Variants in TCF12 observed in about 807,000 individuals in gnomAD.
TCF12 encodes DNA-binding protein HTF4.
A neutral mutation model predicts 86.0 loss-of-function variants in TCF12; 45 were observed. The ratio of observed to expected loss-of-function variants is 0.52; its 90% CI spans 0.41 to 0.67. The LOEUF is 0.67. Ranked by LOEUF, TCF12 falls within the 30% of genes least tolerant of loss-of-function variation. The pLI is 0.00. For synonymous variants in TCF12, 330 were observed against 299.6 expected (o/e 1.10, Z -1.05); for missense variants, 881 against 859.9 (o/e 1.02, Z -0.31).
intron 14 of TCF12, among the ~76,000 whole-genome samples, chr15:57,251,722 G>A (rs979784445): frequency 2.0e-5 from 3 of 152,004 alleles, no homozygotes; most frequent in Non-Finnish European, 2.9e-5. Context: ...ACATATAAAG[G>A]GAAACTTTTT....
chr15:56,936,869 G>T (rs551980350), intron 3 of TCF12, among the ~76,000 whole-genome samples: 1 of 152,270 alleles, frequency 6.6e-6, no homozygotes, highest in Admixed American at 6.5e-5. Context: ...CTGTTATGGT[G>T]ACTATGGCCT....
intron 3 of TCF12, among the ~76,000 whole-genome samples, chr15:57,002,238 TA>T (rs1235844119): frequency 5.9e-5 from 9 of 152,124 alleles, no homozygotes; most frequent in African/African-American, 2.2e-4. Context: ...GTTGGGGGTA[TA>T]GTTACCTGTT....
intron 4 of TCF12, among the ~76,000 whole-genome samples, chr15:57,073,827 C>T (rs1332594314): frequency 6.6e-6 from 1 of 152,160 alleles, no homozygotes; most frequent in Non-Finnish European, 1.5e-5. Flanking sequence ...TGGCTCACTG[C>T]AAGCTCTGCC....
intron 6 of TCF12, among the ~76,000 whole-genome samples, chr15:57,169,382 T>G (rs1364875963): frequency 5.3e-5 from 8 of 152,146 alleles, no homozygotes; most frequent in African/African-American, 1.9e-4. Flanking sequence ...AGAAGGTCAG[T>G]AAATGTCAGT....
rs925042294 is a variant in TCF12 at position 57,054,801 on chromosome 15, T to C, written c.149-8949T>C. ...TTTTTTTTTTTTTTTTTTTTTTTTT[T>C]TGGTAGCGTCTCTAGGGATGTTAAC... On this transcript the variant is annotated intron_variant, in intron 3 of 20. Transcript: ENST00000333725. Among the ~76,000 whole-genome samples the C allele has an allele frequency of 7.3e-5, 10 of 137,446 alleles. No individual in the cohort carries two copies. The East Asian group carries it at 2.2e-3, about 31-fold the overall frequency. The allele number at this position is 137,446 out of a possible 152,430, so 90.2% of individuals were successfully genotyped here.
chr15:57,227,400 C>T (rs1345183303), intron 8 of TCF12, among the ~76,000 whole-genome samples: 1 of 152,070 alleles, frequency 6.6e-6, no homozygotes, highest in Non-Finnish European at 1.5e-5. Flanking sequence ...TATGACTAAA[C>T]TGAATCATCT....
At chr15:57,077,748 A>AG (rs1282291237) in intron 4 of TCF12, among the ~76,000 whole-genome samples, 15 of 151,090 alleles carry the variant, frequency 9.9e-5, no homozygotes, top group Non-Finnish European at 1.8e-4. Context: ...TAGTTTTTTA[A>AG]AAAAAAAAAA....
intron 5 of TCF12, among the ~76,000 whole-genome samples, chr15:57,111,863 G>A (rs908695000): frequency 2.6e-5 from 4 of 152,062 alleles, no homozygotes; most frequent in Non-Finnish European, 5.9e-5. Flanking sequence ...GGAGTGCTAG[G>A]ATTACAGGCA....
chr15:57,105,175 A>G (rs575773899), intron 5 of TCF12, among the ~76,000 whole-genome samples: 51 of 151,152 alleles, frequency 3.4e-4, no homozygotes, highest in African/African-American at 1.0e-3. Flanking sequence ...TGCCCGACCA[A>G]TCTTGCTGGT....
chr15:57,080,843 G>T (rs1430766899), intron 4 of TCF12, among the ~76,000 whole-genome samples: 1 of 152,072 alleles, frequency 6.6e-6, no homozygotes, highest in African/African-American at 2.4e-5. Flanking sequence ...TCAACTACTG[G>T]CTCTGACGCT....
chr15:57,263,457 T>C (rs1401294687), intron 18 of TCF12, among the ~76,000 whole-genome samples, 183 bp downstream of exon 18: 1 of 152,226 alleles, frequency 6.6e-6, no homozygotes, highest in Non-Finnish European at 1.5e-5. Flanking sequence ...TATGAAGGTT[T>C]GATTTCAAAA....
At chr15:57,155,461 A>G (rs2054049421) in intron 5 of TCF12, among the ~76,000 whole-genome samples, 1 of 152,176 alleles carries the variant, frequency 6.6e-6, no homozygotes, top group African/African-American at 2.4e-5. Flanking sequence ...ATGAAAATTG[A>G]ACATGTCATA....
intron 5 of TCF12, among the ~76,000 whole-genome samples, chr15:57,098,889 G>A (rs2733339): frequency 0.054 from 8,231 of 152,174 alleles, 494 homozygotes; most frequent in African/African-American, 0.15. Flanking sequence ...CAAATGTTTC[G>A]TTGAAAGAAT....
intron 5 of TCF12, among the ~76,000 whole-genome samples, chr15:57,125,966 T>C (rs1348769968): frequency 6.6e-6 from 1 of 152,090 alleles, no homozygotes; most frequent in Non-Finnish European, 1.5e-5. Flanking sequence ...CACAGTGGCT[T>C]ACACCTGTAA....
chr15:57,277,497 C>T (rs530142791), intron 19 of TCF12, among the ~76,000 whole-genome samples: 3 of 151,124 alleles, frequency 2.0e-5, no homozygotes, highest in East Asian at 2.0e-4. Flanking sequence ...GGTGGGGTGG[C>T]GTGCGCAAGT....
chr15:57,290,080 C>T (rs1258479139), downstream of TCF12, among the ~76,000 whole-genome samples: 1 of 151,144 alleles, frequency 6.6e-6, no homozygotes, highest in African/African-American at 2.4e-5. Context: ...CGTGGTGGCT[C>T]ACGCCTGTAA....
intron 8 of TCF12, among the ~76,000 whole-genome samples, chr15:57,204,467 A>G (rs79550917): frequency 6.6e-6 from 1 of 152,098 alleles, no homozygotes; most frequent in Non-Finnish European, 1.5e-5. Context: ...AAAAAAAAAG[A>G]AAAAGAAAAG....
intron 3 of TCF12, among the ~76,000 whole-genome samples, chr15:56,961,023 C>T (rs1288530121): frequency 2.0e-5 from 3 of 151,238 alleles, no homozygotes; most frequent in African/African-American, 7.3e-5. Context: ...ACCTGTAATC[C>T]CTGCTACTTG....
intron 3 of TCF12, among the ~76,000 whole-genome samples, chr15:56,994,956 A>G (rs1021961403): frequency 2.0e-5 from 3 of 152,114 alleles, no homozygotes; most frequent in Non-Finnish European, 2.9e-5. Flanking sequence ...AATACGTTGG[A>G]TAATTGAGAG....
Sources: gnomAD v4.1 joint callset for allele counts (sites outside exome capture counted in the v4.1 genomes callset) on GRCh38, gnomAD v4.1.1 for gene constraint, MANE v1.5 for transcripts, NCBI Gene and HGNC (gene_info 2026-07-23, HGNC 2026-07-21) for gene names.